The following TUSC3 variants were observed in gnomAD, a reference collection of about 807,000 sequenced individuals.
TUSC3 encodes tumor suppressor candidate 3.
TUSC3 carries 45 observed loss-of-function variants against 44.8 expected under a neutral mutation model. That is an observed-to-expected ratio of 1.00 (90% CI 0.79 to 1.29). The LOEUF (loss-of-function observed/expected upper bound fraction) is 1.29. TUSC3 is among the 50% of genes most tolerant of loss of function. TUSC3 has a pLI of 0.00. For synonymous variants in TUSC3, 212 were observed against 152.9 expected, an observed-to-expected ratio of 1.39 and a Z score of -2.85; for missense variants, 519 against 437.9, an observed-to-expected ratio of 1.19 and a Z score of -1.65.
intron 1 of TUSC3, among the ~76,000 whole-genome samples, chr8:15,451,111 C>T (rs1343465353): frequency 6.6e-6 from 1 of 152,112 alleles, no homozygotes; most frequent in Admixed American, 6.5e-5. Flanking sequence ...ATCCTAGCTA[C>T]AGAGGGAAGC....
At chr8:15,705,341 C>A (rs944556505) in intron 6 of TUSC3, among the ~76,000 whole-genome samples, 2 of 151,934 alleles carry the variant, frequency 1.3e-5, no homozygotes, top group South Asian at 2.1e-4. Context: ...AAGAAGACTG[C>A]TCAAATTATT....
chr8:15,659,723 G>T, intron 4 of TUSC3, 76 bp downstream of exon 4: 1 of 1,571,174 alleles, frequency 6.4e-7, no homozygotes, highest in East Asian at 2.2e-5. Flanking sequence ...TAAGGCCACA[G>T]TAATACTTTT....
intron 6 of TUSC3, 49 bp from the exon 7 acceptor site, chr8:15,730,617 A>C (rs2129208121): frequency 6.3e-7 from 1 of 1,577,612 alleles, no homozygotes; most frequent in Admixed American, 1.7e-5. Context: ...ACTACAAAAT[A>C]ATTATGAGGC....
rs903990855 is a variant in TUSC3, at chr8:15,422,380, A to C, written n.91+5075A>C. Among the ~76,000 whole-genome samples, 17 of 152,156 alleles carry C rather than the reference A, an allele frequency of 1.1e-4. 1 individual carries two copies. Among genetic ancestry groups the C allele is most frequent in the Non-Finnish European group, 2.5e-4 (17 of 68,026 alleles). ...CTATCACTTTATAACACGTCTTCTT[A>C]CCTACTAGAGAGATTACTCCTTGTT... On this transcript the variant is annotated intron_variant and non_coding_transcript_variant, in intron 1 of 5. Transcript: ENST00000503191.
At chr8:15,535,469 G>A (rs1236880869), upstream of TUSC3, among the ~76,000 whole-genome samples, 1 of 152,160 alleles carries the variant, frequency 6.6e-6, no homozygotes, top group African/African-American at 2.4e-5. Context: ...GGACTAAAAG[G>A]TGCAGAAAAC....
At chr8:15,782,316 A>T in the TUSC3 span, among the ~76,000 whole-genome samples, 3 of 152,104 alleles carry the variant, frequency 2.0e-5, no homozygotes, top group African/African-American at 4.8e-5. Flanking sequence ...GTACAAAAAA[A>T]AATTTTTTTT....
At chr8:15,515,434 T>C (rs1801203711) in intron 2 of TUSC3, among the ~76,000 whole-genome samples, 1 of 152,152 alleles carries the variant, frequency 6.6e-6, no homozygotes, top group South Asian at 2.1e-4. Context: ...TTTACTCACA[T>C]TTTTCTCCTT....
upstream of TUSC3, among the ~76,000 whole-genome samples, chr8:15,539,040 A>G (rs1207850772): frequency 6.6e-6 from 1 of 151,248 alleles, no homozygotes; most frequent in Non-Finnish European, 1.5e-5. Context: ...TTTCGTAAAG[A>G]CAAGGTCTCA....
At chr8:15,778,727 T>C in the TUSC3 span, among the ~76,000 whole-genome samples, 3 of 152,106 alleles carry the variant, frequency 2.0e-5, no homozygotes, top group Non-Finnish European at 4.4e-5. Context: ...ACATACCTTT[T>C]CCTTAGAGAA....
intron 6 of TUSC3, among the ~76,000 whole-genome samples, chr8:15,680,167 C>T (rs1223150956): frequency 6.6e-6 from 1 of 151,908 alleles, no homozygotes; most frequent in Non-Finnish European, 1.5e-5. Flanking sequence ...CCGTAGATTG[C>T]TTTGGGCAGA....
At chr8:15,804,077 G>C in the TUSC3 span, among the ~76,000 whole-genome samples, 4 of 152,164 alleles carry the variant, frequency 2.6e-5, no homozygotes, top group Admixed American at 6.5e-5. Flanking sequence ...TAACGGGATT[G>C]CTGGGTCAAA....
downstream of TUSC3, among the ~76,000 whole-genome samples, chr8:15,770,663 A>G (rs1362716807): frequency 6.6e-6 from 1 of 152,216 alleles, no homozygotes; most frequent in East Asian, 1.9e-4. Flanking sequence ...AAAAGTCATT[A>G]GGCTTGACAG....
chr8:15,764,322 ATTC>A lies in TUSC3; in HGVS notation c.*169_*171del. On this transcript the variant is annotated 3_prime_UTR_variant, in exon 11 of 11. Transcript: ENST00000503731. ...TCATTTCATTGTGATCAGCTAGCTT[ATTC>A]TTGTGTACTTTTTTTAAACTGTGGG... The A allele has an allele frequency of 8.0e-7, 1 of 1,256,060 alleles. No homozygotes were observed. Among genetic ancestry groups the A allele is most frequent in the South Asian group, 1.3e-5 (1 of 75,730 alleles). The allele number at this position is 1,256,060 out of a possible 1,614,324, so 77.8% of individuals were successfully genotyped here. A position where few individuals can be genotyped will look rare whatever the true frequency, so the allele number is the denominator to read the frequency against.
intron 4 of TUSC3, among the ~76,000 whole-genome samples, chr8:15,659,872 G>C (rs932837612): frequency 9.2e-5 from 14 of 152,012 alleles, no homozygotes; most frequent in South Asian, 2.1e-4. Context: ...AAAAATACAG[G>C]AGTTAAGCAC....
At chr8:15,514,042 C>T (rs1585072033) in intron 2 of TUSC3, among the ~76,000 whole-genome samples, 1 of 152,152 alleles carries the variant, frequency 6.6e-6, no homozygotes, top group Non-Finnish European at 1.5e-5. Context: ...TACTTTTCAT[C>T]CTAGGAACGT....
chr8:15,484,756 A>T (rs1800713423), intron 2 of TUSC3, among the ~76,000 whole-genome samples: 1 of 152,210 alleles, frequency 6.6e-6, no homozygotes, highest in Non-Finnish European at 1.5e-5. Flanking sequence ...AGCAATTTTA[A>T]TATTCAGAGG....
intron 2 of TUSC3, among the ~76,000 whole-genome samples, chr8:15,634,865 G>A (rs1042372001): frequency 1.8e-4 from 27 of 152,178 alleles, no homozygotes; most frequent in Admixed American, 8.5e-4. Flanking sequence ...TAGTATGAGA[G>A]ATATAAGGGC....
intron 1 of TUSC3, among the ~76,000 whole-genome samples, chr8:15,423,302 G>A (rs11203704): frequency 0.33 from 50,833 of 151,890 alleles, 10,213 homozygotes; most frequent in African/African-American, 0.57. Flanking sequence ...CTTTTTTGAA[G>A]TGTCTTTGTA....
chr8:15,528,387 G>A (rs962399232), intron 2 of TUSC3, among the ~76,000 whole-genome samples: 24 of 152,152 alleles, frequency 1.6e-4, no homozygotes, highest in Non-Finnish European at 2.1e-4. Context: ...TTAAAAGTTC[G>A]ATATAAACTT....
Sources: gnomAD v4.1 joint callset for allele counts (sites outside exome capture counted in the v4.1 genomes callset) on GRCh38, gnomAD v4.1.1 for gene constraint, MANE v1.5 for transcripts, NCBI Gene and HGNC (gene_info 2026-07-23, HGNC 2026-07-21) for gene names.